Variants in XRCC4 observed in about 807,000 individuals in gnomAD.
XRCC4 encodes the protein X-ray repair cross complementing 4.
In XRCC4, 28 loss-of-function variants were observed where a neutral mutation model predicts 39.1. The ratio of observed to expected loss-of-function variants is 0.72; its 90% CI spans 0.53 to 0.98. The LOEUF (loss-of-function observed/expected upper bound fraction) is 0.98, where lower values mean the gene tolerates loss of function less well. Ranked by LOEUF, XRCC4 falls within the 50% of genes least tolerant of loss-of-function variation. The pLI, the probability that XRCC4 is intolerant of heterozygous loss-of-function variation, is 0.00. For synonymous variants in XRCC4, 123 were observed against 126.4 expected (o/e 0.97, Z 0.18); for missense variants, 350 against 376.4 (o/e 0.93, Z 0.58).
intron 3 of XRCC4, among the ~76,000 whole-genome samples, chr5:83,144,665 C>T (rs1748365029): frequency 6.8e-6 from 1 of 146,640 alleles, no homozygotes; most frequent in South Asian, 2.1e-4. Flanking sequence ...TTTTCTACCT[C>T]CATTCTCTTT....
At chr5:83,243,902 G>C (rs186965014) in intron 6 of XRCC4, among the ~76,000 whole-genome samples, 10 of 152,240 alleles carry the variant, frequency 6.6e-5, no homozygotes, top group African/African-American at 1.9e-4. Context: ...TTGATGTTCA[G>C]GGTTCTGCAA....
At chr5:83,139,981 C>G (rs987165764) in intron 3 of XRCC4, among the ~76,000 whole-genome samples, 4 of 152,168 alleles carry the variant, frequency 2.6e-5, no homozygotes, top group Non-Finnish European at 4.4e-5. Context: ...GTAGAGTTTA[C>G]TCTAGCCTTT....
At chr5:83,322,922 G>T (rs991393357) in intron 7 of XRCC4, among the ~76,000 whole-genome samples, 1 of 152,160 alleles carries the variant, frequency 6.6e-6, no homozygotes, top group African/African-American at 2.4e-5. Flanking sequence ...AACCAAGTTT[G>T]GGTAATTTGT....
At chr5:83,278,810 A>G (rs1016573806) in intron 7 of XRCC4, among the ~76,000 whole-genome samples, 1 of 151,510 alleles carries the variant, frequency 6.6e-6, no homozygotes, top group Admixed American at 6.6e-5. Flanking sequence ...ACATGGCGAA[A>G]CCCTGTCTCT....
At chr5:83,286,825 A>C (rs1754750199) in intron 7 of XRCC4, among the ~76,000 whole-genome samples, 1 of 152,060 alleles carries the variant, frequency 6.6e-6, no homozygotes, top group Admixed American at 6.6e-5. Context: ...GAGGTGGACA[A>C]TGGGGGGTTA....
At chr5:83,088,152 T>G (rs999594601) in intron 1 of XRCC4, among the ~76,000 whole-genome samples, 2 of 152,188 alleles carry the variant, frequency 1.3e-5, no homozygotes, top group African/African-American at 2.4e-5. Flanking sequence ...TGCAGCATCT[T>G]TTTATGTCAT....
chr5:83,280,428 C>T lies in XRCC4; in HGVS notation c.893+21751C>T, dbSNP rs763760964. The T allele has an allele frequency of 3.8e-5, 25 of 654,344 alleles. No individual in the cohort carries two copies. The East Asian group carries it at 4.2e-4, about 11-fold the overall frequency. The allele number at this position is 654,344 out of a possible 1,614,324, so 40.5% of individuals were successfully genotyped here. ...CTTTCCTTTTGTTTATTAATGGTGC[C>T]GCAATTTTGAAGAAAGTTCTTGCAC... On this transcript the variant is annotated intron_variant, in intron 7 of 7. Transcript: ENST00000396027.
intron 7 of XRCC4, among the ~76,000 whole-genome samples, chr5:83,338,556 C>G (rs1460771559): frequency 1.3e-5 from 2 of 152,144 alleles, no homozygotes; most frequent in Middle Eastern, 3.2e-3. Flanking sequence ...GCTTCCTCCA[C>G]TATGAAGTTT....
At chr5:83,214,793 C>T (rs7719006) in intron 6 of XRCC4, among the ~76,000 whole-genome samples, 285 of 148,668 alleles carry the variant, frequency 1.9e-3, no homozygotes, top group African/African-American at 6.5e-3. Context: ...GCCGAGATCG[C>T]GCCACTGCAA....
intron 7 of XRCC4, among the ~76,000 whole-genome samples, chr5:83,269,756 C>T (rs1754073856): frequency 6.6e-6 from 1 of 151,986 alleles, no homozygotes; most frequent in African/African-American, 2.4e-5. Flanking sequence ...TCTAACCCAG[C>T]GGAATCTTCC....
At chr5:83,123,516 C>T (rs1432735027) in intron 3 of XRCC4, among the ~76,000 whole-genome samples, 2 of 149,452 alleles carry the variant, frequency 1.3e-5, no homozygotes, top group Non-Finnish European at 1.5e-5. Flanking sequence ...GATGTTTAGG[C>T]CATTTATGTT....
chr5:83,235,178 T>A (rs1450353819), intron 6 of XRCC4, among the ~76,000 whole-genome samples: 1 of 150,858 alleles, frequency 6.6e-6, no homozygotes. Flanking sequence ...CTACAAAAAA[T>A]ACAAAAATTA....
At chr5:83,237,483 C>T (rs1752734382) in intron 6 of XRCC4, among the ~76,000 whole-genome samples, 1 of 151,880 alleles carries the variant, frequency 6.6e-6, no homozygotes, top group Non-Finnish European at 1.5e-5. Context: ...ACTGCATGTT[C>T]TCATTCATAT....
chr5:83,130,506 C>T (rs1300889581), intron 3 of XRCC4, among the ~76,000 whole-genome samples: 2 of 152,130 alleles, frequency 1.3e-5, no homozygotes, highest in African/African-American at 2.4e-5. Flanking sequence ...GGAGGATTCC[C>T]TCTTTTTTTA....
intron 3 of XRCC4, among the ~76,000 whole-genome samples, chr5:83,140,821 T>C (rs1484256493): frequency 6.6e-6 from 1 of 152,200 alleles, no homozygotes; most frequent in African/African-American, 2.4e-5. Flanking sequence ...TTATTTACTT[T>C]TGGGTATGTG....
At chr5:83,245,566 T>C (rs932244121) in intron 6 of XRCC4, among the ~76,000 whole-genome samples, 6 of 152,144 alleles carry the variant, frequency 3.9e-5, no homozygotes, top group African/African-American at 1.4e-4. Context: ...GATTACTTTT[T>C]GAATAATTGC....
intron 7 of XRCC4, among the ~76,000 whole-genome samples, chr5:83,337,690 T>C (rs893391787): frequency 1.3e-5 from 2 of 152,150 alleles, no homozygotes; most frequent in Non-Finnish European, 2.9e-5. Context: ...CCTGGACAAA[T>C]TGCAGACTCA....
intron 7 of XRCC4, among the ~76,000 whole-genome samples, chr5:83,339,432 C>A (rs1455557337): frequency 6.6e-6 from 1 of 151,720 alleles, no homozygotes; most frequent in South Asian, 2.1e-4. Flanking sequence ...AATGGGAACA[C>A]ATGGACGCAG....
intron 3 of XRCC4, among the ~76,000 whole-genome samples, chr5:83,132,874 CCTT>C (rs1431491456): frequency 6.6e-6 from 1 of 152,120 alleles, no homozygotes; most frequent in Admixed American, 6.6e-5. Context: ...TCATCTGAAG[CCTT>C]CTTCTCTCAA....
Sources: gnomAD v4.1 joint callset for allele counts (sites outside exome capture counted in the v4.1 genomes callset) on GRCh38, gnomAD v4.1.1 for gene constraint, MANE v1.5 for transcripts, NCBI Gene and HGNC (gene_info 2026-07-23, HGNC 2026-07-21) for gene names.